KANK1: variants seen among roughly 807,000 people sequenced by gnomAD.
KANK1 encodes the protein KN motif and ankyrin repeat domains 1.
Under a neutral mutation model 106.2 loss-of-function variants are expected in KANK1, and 109 were observed. That is an observed-to-expected ratio of 1.03 (90% CI 0.88 to 1.20). The LOEUF is 1.20. KANK1 is among the 50% of genes most tolerant of loss of function. The pLI is 0.00. For synonymous variants in KANK1, 873 were observed against 652.2 expected, an observed-to-expected ratio of 1.34 and a Z score of -5.16; for missense variants, 2,399 against 1,710.7, an observed-to-expected ratio of 1.40 and a Z score of -7.10.
At chr9:526,921 T>C (rs2059818834) in intron 1 of KANK1, among the ~76,000 whole-genome samples, 1 of 151,842 alleles carries the variant, frequency 6.6e-6, no homozygotes, top group African/African-American at 2.4e-5. Flanking sequence ...CTTCTCCTGC[T>C]GTAATATTAA....
At chr9:486,979 T>C (rs1339655103) in intron 3 of KANK1, among the ~76,000 whole-genome samples, 1 of 152,236 alleles carries the variant, frequency 6.6e-6, no homozygotes, top group Non-Finnish European at 1.5e-5. Context: ...ATGGTAATGA[T>C]ATTTAATGTA....
At chr9:532,749 C>T (rs868636534) in intron 1 of KANK1, among the ~76,000 whole-genome samples, 4 of 152,072 alleles carry the variant, frequency 2.6e-5, no homozygotes, top group South Asian at 2.1e-4. Context: ...CTTGGAAGTG[C>T]GTAAAACTGC....
intron 1 of KANK1, among the ~76,000 whole-genome samples, chr9:601,634 A>G (rs1371626275): frequency 2.6e-5 from 4 of 151,846 alleles, no homozygotes; most frequent in Non-Finnish European, 5.9e-5. Context: ...CATCATGGAC[A>G]GTTACTTCAT....
At position 713,223 on chromosome 9, in the gene KANK1, G is replaced by A. The variant is rs1254858053; in HGVS notation, c.2457G>A (p.Met819Ile). Residue 819 changes from methionine (M) to isoleucine (I), a missense_variant, in exon 3 of 12, where the codon ATG (methionine) becomes ATA (isoleucine). Physicochemically the swap from Met to Ile is conservative, Grantham distance 10. Coordinates refer to ENST00000382297, the MANE Select transcript of KANK1 (RefSeq NM_015158.5). The stretch of plus-strand genomic sequence containing the variant: ...CCCAGCCTCAAGCTCCACTTGGAAT[G>A]ATGACTGGCCTGGATCACTACATTG... The part of the protein sequence containing the change: ...ENPQPQAPLG[M>I]MTGLDHYIER... The A allele has an allele frequency of 6.3e-7, 1 of 1,597,094 alleles. No individual in the cohort carries two copies. The highest frequency in any genetic ancestry group is 8.5e-7 in the Non-Finnish European group (1 of 1,171,610).
At position 668,801 on chromosome 9, in the gene KANK1, T is replaced by C. The variant is rs1030641339; in HGVS notation, c.-83-8089T>C. Among the ~76,000 whole-genome samples, 7 of 152,078 alleles carry C rather than the reference T, an allele frequency of 4.6e-5. No individual in the cohort carries two copies. In the East Asian group the frequency reaches 1.3e-3, roughly 29 times the overall value. The stretch of plus-strand genomic sequence containing the variant: ...GACATTTTTTCCATAGATCAGGCAG[T>C]GGGGATGGTTTTGGGATGAAACTGT... On this transcript the variant is annotated intron_variant, in intron 1 of 11. Transcript: ENST00000382297.
chr9:715,769 T>G (rs1827517963), intron 3 of KANK1, among the ~76,000 whole-genome samples: 3 of 152,236 alleles, frequency 2.0e-5, no homozygotes, highest in African/African-American at 7.2e-5. Flanking sequence ...CACATCATAT[T>G]TGTGTTTTCA....
intron 1 of KANK1, among the ~76,000 whole-genome samples, chr9:642,247 A>C (rs1354008117): frequency 7.0e-6 from 1 of 143,756 alleles, no homozygotes; most frequent in African/African-American, 3.0e-5. Context: ...GAAAGGTCGT[A>C]GAATAAATGA....
intron 1 of KANK1, among the ~76,000 whole-genome samples, chr9:666,885 A>T: frequency 6.9e-6 from 1 of 144,396 alleles, no homozygotes; most frequent in African/African-American, 2.5e-5. Flanking sequence ...CATCAGTGAA[A>T]TTAGCCTATT....
chr9:482,510 C>G (rs1324499242), intron 3 of KANK1, among the ~76,000 whole-genome samples: 2 of 152,188 alleles, frequency 1.3e-5, no homozygotes, highest in Non-Finnish European at 2.9e-5. Flanking sequence ...ATTTTCCCCT[C>G]TCTCGAGATG....
At chr9:725,408 G>A (rs751048603) in intron 3 of KANK1, among the ~76,000 whole-genome samples, 2 of 149,968 alleles carry the variant, frequency 1.3e-5, no homozygotes, top group African/African-American at 2.5e-5. Flanking sequence ...CAGGAGAATC[G>A]CTTGAACCCG....
chr9:531,339 G>A (rs944492000), intron 1 of KANK1, among the ~76,000 whole-genome samples: 11 of 151,886 alleles, frequency 7.2e-5, no homozygotes, highest in East Asian at 1.9e-4. Flanking sequence ...ACTGAGGTGC[G>A]AGGGTTGCTT....
intron 1 of KANK1, among the ~76,000 whole-genome samples, chr9:668,324 G>A (rs1178055499): frequency 1.3e-5 from 2 of 149,772 alleles, no homozygotes; most frequent in Non-Finnish European, 3.0e-5. Context: ...GGTATTTGAC[G>A]TCCTCCACTA....
At chr9:725,008 G>T (rs6477169) in intron 3 of KANK1, among the ~76,000 whole-genome samples, 95,215 of 152,062 alleles carry the variant, frequency 0.63, 31,082 homozygotes, top group African/African-American at 0.81. Context: ...CACATAGTGT[G>T]AAACGTTGTT....
intron 1 of KANK1, among the ~76,000 whole-genome samples, chr9:562,042 C>CTTTT (rs34419752): frequency 0.015 from 1,521 of 104,852 alleles, 23 homozygotes; most frequent in Middle Eastern, 0.025. Context: ...ATTGCATTTT[C>CTTTT]TTTTTTTTTT....
At chr9:684,024 G>A (rs1179972709) in intron 2 of KANK1, among the ~76,000 whole-genome samples, 2 of 152,164 alleles carry the variant, frequency 1.3e-5, no homozygotes, top group East Asian at 3.9e-4. Context: ...CCTGGGTTTT[G>A]AAGTCTTGCC....
chr9:679,685 G>A (rs1163442405), intron 2 of KANK1, among the ~76,000 whole-genome samples: 1 of 152,172 alleles, frequency 6.6e-6, no homozygotes, highest in Non-Finnish European at 1.5e-5. Context: ...GGGATTACAG[G>A]CATGAGCCAC....
intron 3 of KANK1, among the ~76,000 whole-genome samples, chr9:478,810 C>G (rs894882102): frequency 7.9e-5 from 12 of 152,136 alleles, no homozygotes; most frequent in African/African-American, 2.9e-4. Flanking sequence ...TTACAGAAAA[C>G]AAGTGAAGCC....
intron 1 of KANK1, among the ~76,000 whole-genome samples, chr9:506,733 G>A (rs922139053): frequency 3.9e-5 from 6 of 152,184 alleles, no homozygotes; most frequent in African/African-American, 1.4e-4. Context: ...ATAGTTCTGA[G>A]TTAATGTGTG....
chr9:657,915 C>G (rs961774172), intron 1 of KANK1, among the ~76,000 whole-genome samples: 1 of 151,840 alleles, frequency 6.6e-6, no homozygotes, highest in Non-Finnish European at 1.5e-5. Context: ...TAGGCTCTCC[C>G]TAAATTGCCC....
Sources: gnomAD v4.1 joint callset for allele counts (sites outside exome capture counted in the v4.1 genomes callset) on GRCh38, gnomAD v4.1.1 for gene constraint, MANE v1.5 for transcripts, NCBI Gene and HGNC (gene_info 2026-07-23, HGNC 2026-07-21) for gene names.